The following MKRN1 variants were observed in gnomAD, a reference collection of about 807,000 sequenced individuals.
MKRN1 encodes makorin ring finger protein 1, also known as E3 ubiquitin-protein ligase makorin-1.
A neutral mutation model predicts 55.5 loss-of-function variants in MKRN1; 9 were observed. The observed-to-expected ratio is 0.16, with a 90% CI of 0.10 to 0.28. The LOEUF (loss-of-function observed/expected upper bound fraction) is 0.28. MKRN1 is among the 10% of genes least tolerant of loss of function. MKRN1 has a pLI of 1.00. For missense variants in MKRN1, 488 were observed against 626.7 expected, an observed-to-expected ratio of 0.78 and a Z score of 2.36; for synonymous variants, 253 against 235.9, an observed-to-expected ratio of 1.07 and a Z score of -0.66.
intron 6 of MKRN1, 182 bp downstream of exon 6, chr7:140,455,608 C>T: frequency 3.4e-6 from 2 of 591,670 alleles, no homozygotes; most frequent in South Asian, 4.5e-5. Context: ...TGGCATGGAC[C>T]CCAAGGACTG....
intron 1 of MKRN1, 43 bp downstream of exon 1, chr7:140,479,117 G>C: frequency 7.8e-7 from 1 of 1,289,814 alleles, no homozygotes; most frequent in Non-Finnish European, 9.8e-7. Flanking sequence ...CTTGGCCCGC[G>C]GCCCCCTCCC....
chr7:140,478,031 A>T (rs1164769043), intron 1 of MKRN1: 1 of 152,214 alleles, frequency 6.6e-6, no homozygotes, highest in Non-Finnish European at 1.5e-5. Flanking sequence ...AGGCTGAGAG[A>T]CCTTCGAAGG....
chr7:140,462,302 T>C (rs1373049114), intron 2 of MKRN1, among the ~76,000 whole-genome samples: 1 of 152,204 alleles, frequency 6.6e-6, no homozygotes, highest in Non-Finnish European at 1.5e-5. Context: ...GTGATAGGCA[T>C]GAGCCACCGT....
In MKRN1 at chr7:140,465,021, T is replaced by C. The variant is rs80206918; in HGVS notation, c.315-5085A>G. ...AAGTTGGTCTCCTGGGCTCAAGCCATCTTCCCCGCCCAGCCTAGTACAAAT... is the reference window on the plus strand; with the variant it reads ...AAGTTGGTCTCCTGGGCTCAAGCCACCTTCCCCGCCCAGCCTAGTACAAAT... On this transcript the variant is annotated intron_variant, in intron 2 of 7. Transcript: ENST00000255977. Among the ~76,000 whole-genome samples the C allele has an allele frequency of 9.0e-3, 1,378 of 152,278 alleles. 20 individuals are homozygous for C. The highest frequency in any genetic ancestry group is 0.03 in the African/African-American group (1,254 of 41,552).
At chr7:140,460,707 G>T (rs1186604508) in intron 2 of MKRN1, among the ~76,000 whole-genome samples, 4 of 152,194 alleles carry the variant, frequency 2.6e-5, no homozygotes, top group Non-Finnish European at 4.4e-5. Context: ...TACCATGTGT[G>T]ATGCCAAGAC....
At chr7:140,473,808 C>T (rs1354585676) in intron 1 of MKRN1, 1 of 151,450 alleles carries the variant, frequency 6.6e-6, no homozygotes, top group South Asian at 2.1e-4. Context: ...GCCTGACCAA[C>T]ATGGTGAAAG....
rs71272543 is a variant in MKRN1 at position 140,474,005 on chromosome 7, A to AAAAGAAAGAAAGAAAGAAAGAAAGAAAG, written c.186-2022_186-1995dup. Among the ~76,000 whole-genome samples the AAAAGAAAGAAAGAAAGAAAGAAAGAAAG allele has an allele frequency of 2.4e-3, 156 of 65,612 alleles. 2 individuals carry two copies. The highest frequency in any genetic ancestry group is 2.7e-3 in the Non-Finnish European group (102 of 37,540). The allele number at this position is 65,612 out of a possible 152,430, so 43.0% of individuals were successfully genotyped here. The stretch of plus-strand genomic sequence containing the variant: ...GAAACTCCGTCTCAAAAAAAAAAAA[A>AAAAGAAAGAAAGAAAGAAAGAAAGAAAG]AAAGAAAGAAAGAAAGAAAGAAAGA... On this transcript the variant is annotated intron_variant, in intron 1 of 7. Coordinates refer to ENST00000255977, the MANE Select transcript of MKRN1 (RefSeq NM_013446.4).
chr7:140,473,149 T>C (rs1794984964), intron 1 of MKRN1: 3 of 392,782 alleles, frequency 7.6e-6, no homozygotes, highest in Non-Finnish European at 1.5e-5. Flanking sequence ...CGTCAAAGAA[T>C]TTCTCCTCCA....
At position 140,453,431 on chromosome 7, in the gene MKRN1, G is replaced by A. The variant is rs1484392245; in HGVS notation, c.*1086C>T. 1 of 152,620 alleles carries A rather than the reference G, an allele frequency of 6.6e-6. No homozygotes were observed. The highest frequency in any genetic ancestry group is 6.5e-5 in the Admixed American group (1 of 15,270). The allele number at this position is 152,620 out of a possible 1,614,324, so 9.5% of individuals were successfully genotyped here. A position where few individuals can be genotyped will look rare whatever the true frequency, so the allele number is the denominator to read the frequency against. On this transcript the variant is annotated 3_prime_UTR_variant, in exon 8 of 8. Coordinates refer to ENST00000255977, the MANE Select transcript of MKRN1 (RefSeq NM_013446.4). The stretch of plus-strand genomic sequence containing the variant: ...CTACCTGAAAGCTCAGGGGTGGAAT[G>A]AGGCAAATACCCACAAAAACAAACA...
chr7:140,461,984 G>A (rs7786843), intron 2 of MKRN1, among the ~76,000 whole-genome samples: 41,232 of 152,032 alleles, frequency 0.27, 9,538 homozygotes, highest in African/African-American at 0.64. Context: ...ACTCCATCTC[G>A]AAAGAAAAGA....
At chr7:140,473,256 T>A (rs1176756256) in intron 1 of MKRN1, 2 of 451,150 alleles carry the variant, frequency 4.4e-6, no homozygotes, top group Non-Finnish European at 8.9e-6. Flanking sequence ...CAAGTTGAGT[T>A]TGCCTTCGGT....
intron 1 of MKRN1, among the ~76,000 whole-genome samples, chr7:140,472,973 C>G (rs1175201073): frequency 6.6e-6 from 1 of 151,206 alleles, no homozygotes; most frequent in South Asian, 2.1e-4. Context: ...AAAAATTAGC[C>G]GGGCATGGTG....
chr7:140,476,437 A>G (rs897708045), intron 1 of MKRN1, among the ~76,000 whole-genome samples: 1 of 133,174 alleles, frequency 7.5e-6, no homozygotes, highest in African/African-American at 3.1e-5. Flanking sequence ...TCGCCACTGC[A>G]CTCCAGCCTG....
intron 1 of MKRN1, chr7:140,478,074 G>T (rs1369157190): frequency 6.6e-6 from 1 of 152,138 alleles, no homozygotes; most frequent in African/African-American, 2.4e-5. Flanking sequence ...TCAAAGACTG[G>T]GAAGGTTTCA....
chr7:140,477,089 ACT>A lies in MKRN1; in HGVS notation c.185+2069_185+2070del, dbSNP rs553319517. 2.8e-3 allele frequency among the ~76,000 whole-genome samples: 383 copies of A among 136,176 alleles called. 2 individuals are homozygous for A. The highest frequency in any genetic ancestry group is 0.011 in the African/African-American group (350 of 31,788). 89.3% of individuals were successfully genotyped at this position (136,176 alleles called of 152,430 possible). On this transcript the variant is annotated intron_variant, in intron 1 of 7. Transcript: ENST00000255977. ...CTCCAACCTGGGAAACAAGAGGGAA[ACT>A]CTGTCTCAAAAAAAAAAAAAAAAAA... is the stretch of plus-strand genomic sequence containing the variant.
intron 2 of MKRN1, among the ~76,000 whole-genome samples, chr7:140,468,404 C>T (rs907230068): frequency 6.6e-6 from 1 of 152,004 alleles, no homozygotes; most frequent in East Asian, 1.9e-4. Context: ...CTGCAAAAGA[C>T]ATGCCTGGTG....
At position 140,476,471 on chromosome 7, in the gene MKRN1, C is replaced by CAAAAAAAAAAAA. The variant is rs59392050; in HGVS notation, c.185+2677_185+2688dup. Among the ~76,000 whole-genome samples the CAAAAAAAAAAAA allele has an allele frequency of 5.8e-3, 420 of 72,536 alleles. 24 individuals carry two copies. Among genetic ancestry groups the CAAAAAAAAAAAA allele is most frequent in the African/African-American group, 0.025 (402 of 16,282 alleles). The allele number at this position is 72,536 out of a possible 152,430, so 47.6% of individuals were successfully genotyped here. ...TGGGCGACAGAGCGACACTCCATCT[C>CAAAAAAAAAAAA]AAAAAAAAAAAAAAAAAAGGAAGAT... On this transcript the variant is annotated intron_variant, in intron 1 of 7. Coordinates refer to ENST00000255977, the MANE Select transcript of MKRN1 (RefSeq NM_013446.4).
At chr7:140,467,768 T>A (rs1201957997) in intron 2 of MKRN1, among the ~76,000 whole-genome samples, 1 of 151,748 alleles carries the variant, frequency 6.6e-6, no homozygotes, top group East Asian at 2.0e-4. Flanking sequence ...TCTGGGAGGC[T>A]GAGGCGGGCG....
At position 140,471,952 on chromosome 7, in the gene MKRN1, G is replaced by C; in HGVS notation, c.245C>G (p.Ser82Cys). ...GDNCRYSHDLSDSPYSVVCKY... is the reference protein window; with the variant it reads ...GDNCRYSHDLCDSPYSVVCKY... ...GCACACTACACTATACGGACTGTCAGAGAGGTCATGCGAGTAGCGACAGTT... is the reference window on the plus strand; with the variant it reads ...GCACACTACACTATACGGACTGTCACAGAGGTCATGCGAGTAGCGACAGTT... The change falls in exon 2 of 8, where the codon TCT becomes TGT. Residue 82 changes from serine (S) to cysteine (C), a missense_variant. Coordinates refer to ENST00000255977, the MANE Select transcript of MKRN1 (RefSeq NM_013446.4). 6.2e-7 allele frequency: 1 copy of C among 1,614,136 alleles called. No homozygotes were observed. The highest frequency in any genetic ancestry group is 2.2e-5 in the East Asian group (1 of 44,890).
Sources: gnomAD v4.1 joint callset for allele counts (sites outside exome capture counted in the v4.1 genomes callset) on GRCh38, gnomAD v4.1.1 for gene constraint, MANE v1.5 for transcripts, NCBI Gene and HGNC (gene_info 2026-07-23, HGNC 2026-07-21) for gene names.